CAPZB: variants seen among roughly 807,000 people sequenced by gnomAD.
CAPZB encodes F-actin-capping protein subunit beta.
CAPZB carries 2 observed loss-of-function variants against 38.1 expected under a neutral mutation model. The observed-to-expected ratio is 0.05, with a 90% CI of 0.02 to 0.17. CAPZB has a LOEUF of 0.17. CAPZB is among the 10% of genes least tolerant of loss of function. The pLI, the probability that CAPZB is intolerant of heterozygous loss-of-function variation, is 1.00. For synonymous variants in CAPZB, 107 were observed against 127.4 expected (o/e 0.84, Z 1.08); for missense variants, 161 against 334.2 (o/e 0.48, Z 4.04).
chr1:19,342,785 T>A (rs1246042245), intron 8 of CAPZB: 4 of 1,612,144 alleles, frequency 2.5e-6, no homozygotes, highest in Non-Finnish European at 3.4e-6. Flanking sequence ...TGGATGTAGA[T>A]CTGGCGCTGG....
intron 2 of CAPZB, among the ~76,000 whole-genome samples, chr1:19,392,187 T>TA (rs746920918): frequency 0.19 from 4,365 of 23,436 alleles, 101 homozygotes; most frequent in South Asian, 0.31. Flanking sequence ...TGTCTCAAGG[T>TA]AAAAAAAAAA....
intron 2 of CAPZB, among the ~76,000 whole-genome samples, chr1:19,402,819 G>A (rs1355907285): frequency 6.6e-6 from 1 of 152,082 alleles, no homozygotes; most frequent in South Asian, 2.1e-4. Context: ...AGGCCGAGGC[G>A]GGTAGATCAC....
At chr1:19,419,978 C>G (rs374281581) in intron 1 of CAPZB, 2 of 501,464 alleles carry the variant, frequency 4.0e-6, no homozygotes, top group South Asian at 2.8e-5. Flanking sequence ...TCCAAAAGAC[C>G]CTGAAAGAAG....
At chr1:19,484,300 G>A (rs771536112) in intron 1 of CAPZB, 21 of 1,605,828 alleles carry the variant, frequency 1.3e-5, no homozygotes, top group East Asian at 4.5e-5. Context: ...CCATATGCTG[G>A]ATCCAGGGCC....
At chr1:19,408,893 G>A (rs929039108) in intron 2 of CAPZB, among the ~76,000 whole-genome samples, 2 of 152,132 alleles carry the variant, frequency 1.3e-5, no homozygotes, top group Non-Finnish European at 2.9e-5. Context: ...GAAGCAGCAG[G>A]AAGTTTCCTG....
At chr1:19,368,402 T>TGGGAGGCCAAGATGGGAGGATCAC (rs1462082153) in intron 4 of CAPZB, among the ~76,000 whole-genome samples, 8 of 150,484 alleles carry the variant, frequency 5.3e-5, no homozygotes, top group Non-Finnish European at 8.8e-5. Flanking sequence ...CCCAGCACTT[T>TGGGAGGCCAAGATGGGAGGATCAC]GGGAGGCCAA....
intron 7 of CAPZB, 97 bp from the exon 8 acceptor site, chr1:19,344,531 C>CACACTGGGG: frequency 3.1e-6 from 3 of 955,374 alleles, no homozygotes; most frequent in Non-Finnish European, 5.1e-6. Context: ...CCAGTGTGGC[C>CACACTGGGG]ACTGGAGGGT....
At chr1:19,380,985 T>C (rs2094171329) in intron 3 of CAPZB, among the ~76,000 whole-genome samples, 1 of 152,074 alleles carries the variant, frequency 6.6e-6, no homozygotes, top group Non-Finnish European at 1.5e-5. Flanking sequence ...CTGGCCAACA[T>C]GGTGAAACCC....
chr1:19,368,470 G>A (rs1319460099), intron 4 of CAPZB, among the ~76,000 whole-genome samples: 1 of 145,444 alleles, frequency 6.9e-6, no homozygotes, highest in Admixed American at 7.0e-5. Flanking sequence ...CAGAGTGAGA[G>A]CCCCCGTCTC....
chr1:19,484,819 G>A (rs2094645043), intron 1 of CAPZB: 1 of 412,494 alleles, frequency 2.4e-6, no homozygotes. Context: ...TCCAGACGGG[G>A]GCCATGGGCG....
At position 19,356,866 on chromosome 1, in the gene CAPZB, T is replaced by TC. The variant is rs972645936; in HGVS notation, c.472-116_472-115insG. On this transcript the variant is annotated intron_variant, in intron 5 of 8. Coordinates refer to ENST00000264202, the MANE Select transcript of CAPZB (RefSeq NM_004930.5). The surrounding 1 kb of genome is among the most constrained non-coding windows in gnomAD (Gnocchi z 4.3). ...GGTCATTATCACAATATTACCTTTT[T>TC]TTTTTTTAAATTGGAGACAAAGTCT... The TC allele has an allele frequency of 1.4e-6, 1 of 701,862 alleles. No homozygotes were observed. The highest frequency in any genetic ancestry group is 1.8e-5 in the African/African-American group (1 of 55,956). The allele number at this position is 701,862 out of a possible 1,614,324, so 43.5% of individuals were successfully genotyped here. A position where few individuals can be genotyped will look rare whatever the true frequency, so the allele number is the denominator to read the frequency against.
intron 2 of CAPZB, among the ~76,000 whole-genome samples, chr1:19,415,535 C>G (rs1558241444): frequency 6.6e-6 from 1 of 152,224 alleles, no homozygotes; most frequent in Non-Finnish European, 1.5e-5. Flanking sequence ...AACTGTCATT[C>G]CCAGAGAACA....
intron 1 of CAPZB, among the ~76,000 whole-genome samples, chr1:19,439,415 G>A (rs1319042148): frequency 4.6e-5 from 7 of 152,132 alleles, no homozygotes; most frequent in South Asian, 2.1e-4. Context: ...GAAGAACCAC[G>A]GGATCTCAGT....
chr1:19,348,866 T>C (rs1171184785), intron 6 of CAPZB, among the ~76,000 whole-genome samples: 7 of 152,014 alleles, frequency 4.6e-5, no homozygotes, highest in African/African-American at 1.7e-4. Flanking sequence ...GCAAGGCTGT[T>C]TTACTGAGGA....
chr1:19,421,898 A>C (rs2094402627), intron 1 of CAPZB, among the ~76,000 whole-genome samples: 1 of 152,146 alleles, frequency 6.6e-6, no homozygotes. Context: ...CATACAAATA[A>C]ACATACAGCT....
intron 1 of CAPZB, among the ~76,000 whole-genome samples, chr1:19,436,166 T>C (rs7522676): frequency 0.21 from 31,888 of 152,178 alleles, 4,152 homozygotes; most frequent in Non-Finnish European, 0.28. Flanking sequence ...AAGTGGAAAA[T>C]TCCACAAACA....
intron 2 of CAPZB, among the ~76,000 whole-genome samples, chr1:19,390,804 T>G (rs2100257492): frequency 6.6e-6 from 1 of 152,184 alleles, no homozygotes; most frequent in South Asian, 2.1e-4. Context: ...TGAATAATAA[T>G]CCGTGGAAGG....
In CAPZB at chr1:19,439,837, C is replaced by T. The variant is rs778284627; in HGVS notation, c.4-20087G>A. 4.5e-4 allele frequency among the ~76,000 whole-genome samples: 69 copies of T among 151,912 alleles called. 2 individuals carry two copies. The highest frequency in any genetic ancestry group is 2.7e-3 in the Admixed American group (41 of 15,252). ...AATAGGCGCCAACCATTTCAGAAAC[C>T]ACCTCTTATTCCCGTGAGAGCAACC... On this transcript the variant is annotated intron_variant, in intron 1 of 8. Coordinates refer to ENST00000264202, the MANE Select transcript of CAPZB (RefSeq NM_004930.5).
chr1:19,378,804 G>A (rs1382182716), intron 3 of CAPZB, 151 bp from the exon 4 acceptor site: 2 of 597,926 alleles, frequency 3.3e-6, no homozygotes, highest in Non-Finnish European at 6.0e-6. Context: ...AACAAACAGG[G>A]CTTTCTGGAG....
Sources: allele counts gnomAD v4.1 joint callset (sites outside exome capture counted in the v4.1 genomes callset), GRCh38; gene constraint gnomAD v4.1.1; non-coding constraint Gnocchi (gnomAD v3.1); transcripts MANE v1.5; gene names NCBI Gene and HGNC (gene_info 2026-07-23, HGNC 2026-07-21).